Variants in CHCHD3 observed in about 807,000 individuals in gnomAD.
CHCHD3 encodes MICOS complex subunit MIC19.
A neutral mutation model predicts 38.2 loss-of-function variants in CHCHD3; 20 were observed. That is an observed-to-expected ratio of 0.52 (90% CI 0.37 to 0.76). The LOEUF (loss-of-function observed/expected upper bound fraction) is 0.76, where lower values mean the gene tolerates loss of function less well. Ranked by LOEUF, CHCHD3 falls within the 30% of genes least tolerant of loss-of-function variation. The pLI is 0.00. For missense variants in CHCHD3, 245 were observed against 279.2 expected (o/e 0.88, Z 0.87); for synonymous variants, 82 against 100.0 (o/e 0.82, Z 1.07).
intron 4 of CHCHD3, among the ~76,000 whole-genome samples, chr7:132,951,686 G>A (rs1811039540): frequency 6.6e-6 from 1 of 152,152 alleles, no homozygotes; most frequent in Non-Finnish European, 1.5e-5. Flanking sequence ...CTAAGCTATA[G>A]GACTGGATAT....
chr7:132,905,197 T>C (rs575928888), intron 4 of CHCHD3, among the ~76,000 whole-genome samples: 5 of 152,096 alleles, frequency 3.3e-5, no homozygotes, highest in East Asian at 3.9e-4. Flanking sequence ...TGTATACCTA[T>C]GTAACAAACC....
At chr7:132,973,766 T>C in intron 4 of CHCHD3, 1 of 1,065,942 alleles carries the variant, frequency 9.4e-7, no homozygotes, top group South Asian at 2.7e-5. Flanking sequence ...AGGTAAAGAA[T>C]GGGAGAGACT....
At chr7:132,987,926 A>G (rs1812166300) in intron 3 of CHCHD3, among the ~76,000 whole-genome samples, 2 of 152,166 alleles carry the variant, frequency 1.3e-5, no homozygotes, top group African/African-American at 2.4e-5. Context: ...TACACTTAAT[A>G]AATAATAAAT....
intron 5 of CHCHD3, among the ~76,000 whole-genome samples, chr7:132,843,167 A>G (rs1049516417): frequency 1.3e-5 from 2 of 152,144 alleles, no homozygotes; most frequent in African/African-American, 4.8e-5. Flanking sequence ...CCTCCCGAGT[A>G]GCTAGGATCA....
intron 3 of CHCHD3, among the ~76,000 whole-genome samples, chr7:132,978,963 G>A (rs1811844812): frequency 6.6e-6 from 1 of 152,120 alleles, no homozygotes; most frequent in African/African-American, 2.4e-5. Flanking sequence ...AGGTCTGTAT[G>A]GTGACTGTTT....
chr7:132,898,886 G>A (rs1025082540), intron 4 of CHCHD3, among the ~76,000 whole-genome samples: 1 of 152,220 alleles, frequency 6.6e-6, no homozygotes, highest in Non-Finnish European at 1.5e-5. Context: ...GGCAGGGCCG[G>A]CCGGCTGCTC....
At chr7:133,054,025 A>G (rs1180361732) in intron 2 of CHCHD3, among the ~76,000 whole-genome samples, 1 of 152,252 alleles carries the variant, frequency 6.6e-6, no homozygotes, top group South Asian at 2.1e-4. Context: ...TAGTGCACAA[A>G]TGCTATTTTA....
chr7:132,832,566 A>T (rs1217411188), intron 6 of CHCHD3, among the ~76,000 whole-genome samples: 1 of 149,316 alleles, frequency 6.7e-6, no homozygotes, highest in Non-Finnish European at 1.5e-5. Context: ...CAGAATGAGA[A>T]TGAAGTATCA....
chr7:132,823,634 A>T (rs966794927), intron 6 of CHCHD3, among the ~76,000 whole-genome samples: 2 of 152,214 alleles, frequency 1.3e-5, no homozygotes, highest in African/African-American at 4.8e-5. Context: ...GGCTCATTTA[A>T]TAATCAAGTG....
At chr7:132,837,930 C>T (rs1023186569) in intron 6 of CHCHD3, among the ~76,000 whole-genome samples, 1 of 152,084 alleles carries the variant, frequency 6.6e-6, no homozygotes, top group Non-Finnish European at 1.5e-5. Flanking sequence ...TAATCAAGGG[C>T]CAGGTAAAGT....
chr7:132,895,732 T>C (rs1157400225), intron 4 of CHCHD3, among the ~76,000 whole-genome samples: 1 of 152,238 alleles, frequency 6.6e-6, no homozygotes, highest in East Asian at 1.9e-4. Flanking sequence ...TGCTCTTCCT[T>C]TGCCTTCCGC....
intron 4 of CHCHD3, among the ~76,000 whole-genome samples, chr7:132,939,826 C>T (rs1259118246): frequency 6.6e-6 from 1 of 152,196 alleles, no homozygotes; most frequent in Non-Finnish European, 1.5e-5. Flanking sequence ...TTCCCATTTA[C>T]ACTAACTGCC....
chr7:133,009,520 G>T (rs745352069), intron 3 of CHCHD3, among the ~76,000 whole-genome samples: 1 of 148,272 alleles, frequency 6.7e-6, no homozygotes, highest in African/African-American at 2.5e-5. Context: ...GAGAAGAGAT[G>T]ATCTCTCAGG....
chr7:132,844,599 T>C (rs73724113), intron 5 of CHCHD3, among the ~76,000 whole-genome samples: 4,048 of 152,284 alleles, frequency 0.027, 167 homozygotes, highest in African/African-American at 0.092. Context: ...ATAATTTCTT[T>C]CTTTAAAACA....
intron 4 of CHCHD3, chr7:132,974,103 T>C: frequency 2.7e-6 from 3 of 1,101,948 alleles, no homozygotes; most frequent in Non-Finnish European, 2.4e-6. Context: ...CATTAAAAAC[T>C]ACATTTCAGA....
At chr7:132,992,372 T>G (rs1452657073) in intron 3 of CHCHD3, among the ~76,000 whole-genome samples, 2 of 152,162 alleles carry the variant, frequency 1.3e-5, no homozygotes, top group East Asian at 3.9e-4. Context: ...GACAGCAGTC[T>G]ACCAGCTAGG....
In CHCHD3 at chr7:132,895,982, G is replaced by A. The variant is rs140149717; in HGVS notation, c.370-10237C>T. Among the ~76,000 whole-genome samples, 39 of 152,224 alleles carry A rather than the reference G, an allele frequency of 2.6e-4. No homozygotes were observed. The East Asian group carries it at 2.9e-3, about 11-fold the overall frequency. On this transcript the variant is annotated intron_variant, in intron 4 of 7. Coordinates refer to ENST00000262570, the MANE Select transcript of CHCHD3 (RefSeq NM_017812.4). ...GCAACTTCATTGAGTTTTACAAAAC[G>A]GGTCATATGAATCATTTTGTACTGG...
intron 2 of CHCHD3, among the ~76,000 whole-genome samples, chr7:133,066,934 T>C (rs977009575): frequency 1.3e-5 from 2 of 152,240 alleles, no homozygotes; most frequent in Non-Finnish European, 1.5e-5. Context: ...TATCACGTCC[T>C]TTCTAAAGCA....
chr7:132,823,512 G>GTATTA (rs1397166823), intron 6 of CHCHD3, among the ~76,000 whole-genome samples: 1 of 152,172 alleles, frequency 6.6e-6, no homozygotes, highest in African/African-American at 2.4e-5. Context: ...GGGGCCACCT[G>GTATTA]TATTATTTAT....
Sources: allele counts gnomAD v4.1 joint callset (sites outside exome capture counted in the v4.1 genomes callset), GRCh38; gene constraint gnomAD v4.1.1; transcripts MANE v1.5; gene names NCBI Gene and HGNC (gene_info 2026-07-23, HGNC 2026-07-21).